Variants in XRN2 observed in about 807,000 individuals in gnomAD.
XRN2 encodes 5'-3' exoribonuclease 2, also known as DHM1-like protein.
Under a neutral mutation model 138.5 loss-of-function variants are expected in XRN2, and 44 were observed. That is an observed-to-expected ratio of 0.32 (90% CI 0.25 to 0.41). XRN2 has a LOEUF of 0.41. XRN2 is among the 10% of genes least tolerant of loss of function. The pLI is 1.00. For missense variants in XRN2, 937 were observed against 1,169.3 expected (o/e 0.80, Z 2.90); for synonymous variants, 354 against 369.4 (o/e 0.96, Z 0.48).
intron 14 of XRN2, 56 bp downstream of exon 14, chr20:21,339,144 G>A: frequency 3.3e-6 from 5 of 1,529,096 alleles, no homozygotes; most frequent in Non-Finnish European, 4.5e-6. Context: ...CAATTTATGA[G>A]GAAGATGTTC....
intron 24 of XRN2, among the ~76,000 whole-genome samples, chr20:21,360,323 CTGT>C (rs924281723): frequency 2.6e-5 from 4 of 152,210 alleles, no homozygotes; most frequent in African/African-American, 9.6e-5. Flanking sequence ...CCTCTTCCTC[CTGT>C]TGTTTGGAGT....
At chr20:21,386,721 CA>C in intron 28 of XRN2, 146 bp from the exon 29 acceptor site, 1 of 951,446 alleles carries the variant, frequency 1.1e-6, no homozygotes, top group East Asian at 2.5e-5. Flanking sequence ...ATAAGGGACA[CA>C]AAGGCCATTC....
At chr20:21,325,659 G>A (rs1357384936) in intron 1 of XRN2, among the ~76,000 whole-genome samples, 1 of 152,208 alleles carries the variant, frequency 6.6e-6, no homozygotes, top group Non-Finnish European at 1.5e-5. Flanking sequence ...GAGAGTGAGT[G>A]GGCTTCAACA....
At chr20:21,355,056 GTAGT>G (rs1395635116) in intron 21 of XRN2, among the ~76,000 whole-genome samples, 184 bp downstream of exon 21, 10 of 152,110 alleles carry the variant, frequency 6.6e-5, no homozygotes, top group African/African-American at 2.2e-4. Context: ...AAGTTGAGTA[GTAGT>G]TAAATAAAAT....
chr20:21,357,432 G>A (rs1426569140), intron 23 of XRN2, among the ~76,000 whole-genome samples: 1 of 152,076 alleles, frequency 6.6e-6, no homozygotes, highest in Non-Finnish European at 1.5e-5. Flanking sequence ...TCTACGTTTT[G>A]GCAAACCCTT....
intron 20 of XRN2, 67 bp downstream of exon 20, chr20:21,349,528 T>C (rs1388547909): frequency 8.0e-7 from 1 of 1,249,960 alleles, no homozygotes; most frequent in Admixed American, 1.9e-5. Flanking sequence ...GAAATAATTC[T>C]GTAAAAGATA....
At chr20:21,356,698 T>C in intron 23 of XRN2, 33 bp downstream of exon 23, 1 of 1,565,412 alleles carries the variant, frequency 6.4e-7, no homozygotes, top group Non-Finnish European at 8.7e-7. Context: ...TTGAGGTGAC[T>C]GGAAGGAAGT....
intron 1 of XRN2, among the ~76,000 whole-genome samples, chr20:21,318,610 C>T (rs2037993957): frequency 6.6e-6 from 1 of 151,964 alleles, no homozygotes; most frequent in Non-Finnish European, 1.5e-5. Context: ...CATGTGAACA[C>T]TGCTTTATAT....
chr20:21,379,497 G>A (rs2038860009), intron 27 of XRN2, among the ~76,000 whole-genome samples: 1 of 152,140 alleles, frequency 6.6e-6, no homozygotes, highest in Admixed American at 6.5e-5. Context: ...TTGCATCAGA[G>A]TTTATTGAAA....
chr20:21,323,506 T>A (rs2038077257), intron 1 of XRN2, among the ~76,000 whole-genome samples: 1 of 152,224 alleles, frequency 6.6e-6, no homozygotes, highest in African/African-American at 2.4e-5. Context: ...GGTATAGCAT[T>A]GGACAAGGTT....
In XRN2 at chr20:21,311,042, C is replaced by T. The variant is rs532444126; in HGVS notation, c.75+7569C>T. On this transcript the variant is annotated intron_variant, in intron 1 of 29. Coordinates refer to ENST00000377191, the MANE Select transcript of XRN2 (RefSeq NM_012255.5). The stretch of plus-strand genomic sequence containing the variant: ...CTGGGATTACAGGCGTGAGCCACTG[C>T]GCCTGTCCGGGTCTGGCTTTTTTAT... Among the ~76,000 whole-genome samples, 102 of 152,156 alleles carry T rather than the reference C, an allele frequency of 6.7e-4. 1 individual carries two copies. The highest frequency in any genetic ancestry group is 2.3e-3 in the African/African-American group (95 of 41,512).
chr20:21,377,853 C>CT (rs2038843135), intron 27 of XRN2, among the ~76,000 whole-genome samples: 1 of 152,132 alleles, frequency 6.6e-6, no homozygotes, highest in African/African-American at 2.4e-5. Flanking sequence ...CAGAGAGGTA[C>CT]TTTTTTGTCC....
At chr20:21,374,722 A>T (rs1360699077) in intron 27 of XRN2, among the ~76,000 whole-genome samples, 1 of 152,060 alleles carries the variant, frequency 6.6e-6, no homozygotes, top group South Asian at 2.1e-4. Context: ...TGGGATTTTT[A>T]AAATCTATGT....
chr20:21,323,511 A>G (rs2038077331), intron 1 of XRN2, among the ~76,000 whole-genome samples: 1 of 152,164 alleles, frequency 6.6e-6, no homozygotes, highest in Non-Finnish European at 1.5e-5. Flanking sequence ...AGCATTGGAC[A>G]AGGTTCTTGA....
chr20:21,323,822 G>T (rs1309532768), intron 1 of XRN2, among the ~76,000 whole-genome samples: 1 of 152,160 alleles, frequency 6.6e-6, no homozygotes, highest in Non-Finnish European at 1.5e-5. Flanking sequence ...TCCTGTTTTT[G>T]TGAGTCAGGT....
intron 15 of XRN2, 61 bp downstream of exon 15, chr20:21,340,913 G>C: frequency 7.6e-6 from 12 of 1,575,828 alleles, no homozygotes; most frequent in Non-Finnish European, 1.0e-5. Context: ...CTCTTGCAGG[G>C]GTGGTGTGTG....
intron 21 of XRN2, among the ~76,000 whole-genome samples, chr20:21,355,340 A>G (rs1297859807): frequency 6.6e-6 from 1 of 152,220 alleles, no homozygotes; most frequent in African/African-American, 2.4e-5. Context: ...TTTGTAATCA[A>G]TACTGACAGT....
In XRN2 at chr20:21,344,120, A is replaced by T; in HGVS notation, c.1441A>T (p.Thr481Ser). Residue 481 changes from threonine (T) to serine (S), a missense_variant, in exon 16 of 30, where the codon ACA becomes TCA. By Grantham distance (58) the Thr-to-Ser change is moderately conservative (BLOSUM62 1). This residue lies in a region of XRN2 where 471 missense variants were observed against 581.2 expected (regional missense o/e 0.81). Coordinates refer to ENST00000377191, the MANE Select transcript of XRN2 (RefSeq NM_012255.5). ...SPSISPNTSF[T>S]SDGSPSPLGG... ...TTCGATATCTCCTAATACGAGTTTC[A>T]CATCTGATGGCTCCCCGTCTCCATT... 4 of 1,613,118 alleles carry T rather than the reference A, an allele frequency of 2.5e-6. No individual in the cohort carries two copies. The highest frequency in any genetic ancestry group is 3.4e-6 in the Non-Finnish European group (4 of 1,179,252).
chr20:21,375,829 TTTTATTTATTTA>T (rs1555788112), intron 27 of XRN2, among the ~76,000 whole-genome samples: 1 of 135,904 alleles, frequency 7.4e-6, no homozygotes. Context: ...TTTATTTATT[TTTTATTTATTTA>T]TTTATTTATT....
Sources: allele counts gnomAD v4.1 joint callset (sites outside exome capture counted in the v4.1 genomes callset), GRCh38; gene constraint gnomAD v4.1.1; regional missense constraint gnomAD v4.1.1; transcripts MANE v1.5; gene names NCBI Gene and HGNC (gene_info 2026-07-23, HGNC 2026-07-21).